PDE1C: variants seen among roughly 807,000 people sequenced by gnomAD.
PDE1C encodes the protein phosphodiesterase 1C.
PDE1C carries 62 observed loss-of-function variants against 93.1 expected under a neutral mutation model. That is an observed-to-expected ratio of 0.67 (90% CI 0.54 to 0.82). PDE1C has a LOEUF of 0.82. Ranked by LOEUF, PDE1C falls within the 40% of genes least tolerant of loss-of-function variation. The pLI, the probability that PDE1C is intolerant of heterozygous loss-of-function variation, is 0.00. For missense variants in PDE1C, 742 were observed against 884.6 expected (o/e 0.84, Z 2.04); for synonymous variants, 325 against 310.1 (o/e 1.05, Z -0.50).
intron 3 of PDE1C, among the ~76,000 whole-genome samples, chr7:32,130,790 A>G (rs575421829): frequency 6.6e-6 from 1 of 152,214 alleles, no homozygotes; most frequent in South Asian, 2.1e-4. Context: ...AGAAAAGGAG[A>G]GAGTCAACAA....
At chr7:31,709,857 A>C in the PDE1C span, among the ~76,000 whole-genome samples, 1 of 152,240 alleles carries the variant, frequency 6.6e-6, no homozygotes, top group Admixed American at 6.5e-5. Flanking sequence ...AGTTATATTA[A>C]GAAATTAAGG....
intron 2 of PDE1C, among the ~76,000 whole-genome samples, chr7:32,186,520 A>G (rs1803895110): frequency 1.3e-5 from 2 of 152,166 alleles, no homozygotes; most frequent in African/African-American, 4.8e-5. Context: ...GAAGTTGTCT[A>G]TTTTTGAAAA....
At chr7:31,701,989 A>C in the PDE1C span, among the ~76,000 whole-genome samples, 3 of 152,224 alleles carry the variant, frequency 2.0e-5, no homozygotes, top group African/African-American at 7.2e-5. Flanking sequence ...AGAACCTGCA[A>C]GATCTCTGAG....
intron 1 of PDE1C, among the ~76,000 whole-genome samples, chr7:32,367,220 T>C (rs1208614557): frequency 6.6e-6 from 1 of 152,080 alleles, no homozygotes; most frequent in African/African-American, 2.4e-5. Flanking sequence ...AGGACCATCA[T>C]GAAAGCATGT....
intron 16 of PDE1C, among the ~76,000 whole-genome samples, chr7:31,779,065 G>C (rs1458885534): frequency 6.6e-6 from 1 of 152,162 alleles, no homozygotes; most frequent in African/African-American, 2.4e-5. Flanking sequence ...AACAAAGCCA[G>C]TTTCCCAGGC....
the PDE1C span, among the ~76,000 whole-genome samples, chr7:31,679,887 C>T: frequency 6.6e-6 from 1 of 152,146 alleles, no homozygotes; most frequent in East Asian, 1.9e-4. Flanking sequence ...GGAGATTTCT[C>T]AGAATCTGGG....
intron 1 of PDE1C, among the ~76,000 whole-genome samples, chr7:32,362,710 C>A (rs1028425355): frequency 2.6e-5 from 4 of 152,194 alleles, no homozygotes; most frequent in Non-Finnish European, 5.9e-5. Context: ...TTCTCAAAGG[C>A]AACAAGGAGC....
chr7:32,125,731 G>A (rs1264393127), intron 3 of PDE1C, among the ~76,000 whole-genome samples: 2 of 151,780 alleles, frequency 1.3e-5, no homozygotes, highest in African/African-American at 2.4e-5. Context: ...GTTGGGGGGC[G>A]AGGGGAGGGA....
chr7:32,076,088 C>A (rs1045582810), upstream of PDE1C, among the ~76,000 whole-genome samples: 37 of 152,200 alleles, frequency 2.4e-4, no homozygotes, highest in African/African-American at 7.7e-4. Flanking sequence ...CCTGAGTCTG[C>A]CCCCGCAGGC....
chr7:31,765,989 T>C (rs1795119399), intron 17 of PDE1C, among the ~76,000 whole-genome samples: 1 of 152,162 alleles, frequency 6.6e-6, no homozygotes, highest in Non-Finnish European at 1.5e-5. Flanking sequence ...ATAGAAATAA[T>C]AGTACCTCCC....
At chr7:32,102,638 G>A (rs1270172828) in intron 3 of PDE1C, among the ~76,000 whole-genome samples, 1 of 152,196 alleles carries the variant, frequency 6.6e-6, no homozygotes, top group Non-Finnish European at 1.5e-5. Context: ...TTCCTGGGAG[G>A]TCTGGAGTGA....
At chr7:31,776,663 T>G (rs1312880413) in intron 16 of PDE1C, among the ~76,000 whole-genome samples, 1 of 151,578 alleles carries the variant, frequency 6.6e-6, no homozygotes, top group African/African-American at 2.4e-5. Context: ...TGGACACATA[T>G]CTTATATATA....
At chr7:32,208,476 C>A (rs1018962662) in intron 2 of PDE1C, among the ~76,000 whole-genome samples, 2 of 149,548 alleles carry the variant, frequency 1.3e-5, no homozygotes, top group Non-Finnish European at 3.0e-5. Context: ...AGAGAGGGAA[C>A]GATGAGGTGA....
rs763413251 is a variant in PDE1C at position 32,416,412 on chromosome 7, T to C, written c.310+11410A>G. 5.9e-5 allele frequency among the ~76,000 whole-genome samples: 9 copies of C among 152,280 alleles called. No homozygotes were observed. In the South Asian group the frequency reaches 6.2e-4, roughly 11 times the overall value. On this transcript the variant is annotated intron_variant, in intron 1 of 1. Transcript: ENST00000672256. ...CCTCCAGGAGACTCACAATGTAAGC[T>C]TGGAGGGGTTTCACCAAGAGGCCAC...
chr7:31,618,351 A>C, the PDE1C span, among the ~76,000 whole-genome samples: 1 of 120,672 alleles, frequency 8.3e-6, no homozygotes, highest in Admixed American at 9.0e-5. Context: ...GTTCTTTGGG[A>C]GGTTCCTCCC....
At chr7:32,072,715 A>G (rs765500293), upstream of PDE1C, among the ~76,000 whole-genome samples, 4 of 152,322 alleles carry the variant, frequency 2.6e-5, no homozygotes, top group Middle Eastern at 6.8e-3. Context: ...TATGAGGTAG[A>G]TACTATTATT....
chr7:32,067,912 G>A (rs1795590396), intron 1 of PDE1C, among the ~76,000 whole-genome samples: 1 of 152,198 alleles, frequency 6.6e-6, no homozygotes. Flanking sequence ...ATTGCAGTGA[G>A]TAAGTATGTG....
chr7:32,388,525 T>A (rs973891498), intron 1 of PDE1C, among the ~76,000 whole-genome samples: 3 of 151,686 alleles, frequency 2.0e-5, no homozygotes, highest in Non-Finnish European at 2.9e-5. Context: ...AAAATACTTT[T>A]AAAAATTAGC....
chr7:31,854,226 T>A (rs1241209231), intron 7 of PDE1C, among the ~76,000 whole-genome samples: 1 of 152,122 alleles, frequency 6.6e-6, no homozygotes, highest in African/African-American at 2.4e-5. Flanking sequence ...CAGGTGATAT[T>A]AGATAGCATC....
Sources: gnomAD v4.1 joint callset for allele counts (sites outside exome capture counted in the v4.1 genomes callset) on GRCh38, gnomAD v4.1.1 for gene constraint, MANE v1.5 for transcripts, NCBI Gene and HGNC (gene_info 2026-07-23, HGNC 2026-07-21) for gene names.